The following LCE3D variants were observed in gnomAD, a reference collection of about 807,000 sequenced individuals.
LCE3D encodes late cornified envelope protein 3D.
For missense variants in LCE3D, 124 were observed against 121.1 expected (o/e 1.02, Z -0.11); for synonymous variants, 46 against 47.3 (o/e 0.97, Z 0.11).
rs750511142 is a variant in LCE3D at position 152,579,663 on chromosome 1, A to C, written c.274T>G (p.Cys92Gly). The change falls in exon 2 of 2, where the codon TGC becomes GGC. Residue 92 changes from cysteine to glycine, a missense_variant. Cys to Gly is a radical substitution (Grantham distance 159). Coordinates refer to ENST00000368787, the MANE Select transcript of LCE3D (RefSeq NM_032563.2). ...SGCGHGSGGC[C>G] is the part of the protein sequence containing the mutation. Reference sequence around the variant, plus strand: ...TCTCAGCATCAGGATCCAGGTCAGCAGCAGCCTCCAGAGCCATGGCCGCAG... The same window carrying C: ...TCTCAGCATCAGGATCCAGGTCAGCCGCAGCCTCCAGAGCCATGGCCGCAG... 5.6e-6 allele frequency: 9 copies of C among 1,613,668 alleles called. 1 individual carries two copies. In the Admixed American group the frequency reaches 1.5e-4, roughly 27 times the overall value.
chr1:152,579,721 G>A lies in LCE3D; in HGVS notation c.216C>T (p.Asp72=), dbSNP rs138761139. ...RCRRQRPNSC[D]RGSGQQGGGS... is the part of the protein sequence containing the mutation. ...CCCCGCCTTGCTGACCACTGCCCCT[G>A]TCACAGGAGTTGGGCCTCTGGCGCC... The change falls in exon 2 of 2, where the codon GAC becomes GAT. Residue 72 remains aspartate, a synonymous_variant. Coordinates refer to ENST00000368787, the MANE Select transcript of LCE3D (RefSeq NM_032563.2). 10,357 of 1,613,898 alleles carry A rather than the reference G, an allele frequency of 6.4e-3. 82 individuals are homozygous for A. Among genetic ancestry groups the A allele is most frequent in the Middle Eastern group, 0.019 (118 of 6,060 alleles).
chr1:152,579,652 T>C lies in LCE3D; in HGVS notation c.*6A>G. 1.2e-6 allele frequency: 2 copies of C among 1,613,674 alleles called. No individual in the cohort carries two copies. The highest frequency in any genetic ancestry group is 1.7e-6 in the Non-Finnish European group (2 of 1,179,978). ...AAAATCGCTTGTCTCAGCATCAGGATCCAGGTCAGCAGCAGCCTCCAGAGC... is the reference window on the plus strand; with the variant it reads ...AAAATCGCTTGTCTCAGCATCAGGACCCAGGTCAGCAGCAGCCTCCAGAGC... On this transcript the variant is annotated 3_prime_UTR_variant, in exon 2 of 2. Coordinates refer to ENST00000368787, the MANE Select transcript of LCE3D (RefSeq NM_032563.2).
rs1660187572 is a variant in LCE3D at position 152,579,961 on chromosome 1, G to A, written c.-21-4C>T. The A allele has an allele frequency of 1.2e-6, 2 of 1,613,706 alleles. No homozygotes were observed. The highest frequency in any genetic ancestry group is 1.7e-6 in the Non-Finnish European group (2 of 1,180,024). The stretch of plus-strand genomic sequence containing the variant: ...TCTTGGCAGGAGTTGAGTTGTCCTG[G>A]ACAAAACAAAGCCATTTGTTAGTCC... On this transcript the variant is annotated splice_polypyrimidine_tract_variant and splice_region_variant and intron_variant, in intron 1 of 1. Coordinates refer to ENST00000368787, the MANE Select transcript of LCE3D (RefSeq NM_032563.2).
At chr1:152,580,038 T>C in intron 1 of LCE3D, 81 bp from the exon 2 acceptor site, 3 of 1,548,786 alleles carry the variant, frequency 1.9e-6, no homozygotes, top group Non-Finnish European at 2.6e-6. Flanking sequence ...AGGCAAGAGC[T>C]GCAGGAAGGT....
chr1:152,580,345 T>G, intron 1 of LCE3D, 124 bp downstream of exon 1: 1 of 237,586 alleles, frequency 4.2e-6, no homozygotes. Flanking sequence ...CCCACATTGG[T>G]ACCCTCTCTG....
intron 1 of LCE3D, 52 bp downstream of exon 1, chr1:152,580,417 G>A: frequency 5.6e-6 from 1 of 179,574 alleles, no homozygotes; most frequent in South Asian, 1.2e-4. Context: ...TATGACCTTA[G>A]TTTTCTGTTC....
In LCE3D at chr1:152,579,662, CA is replaced by C; in HGVS notation, c.274del (p.Cys92AlafsTer29). The C allele has an allele frequency of 6.2e-7, 1 of 1,613,794 alleles. No individual in the cohort carries two copies. Among genetic ancestry groups the C allele is most frequent in the Non-Finnish European group, 8.5e-7 (1 of 1,179,988 alleles). On this transcript the variant is annotated frameshift_variant, in exon 2 of 2. Coordinates refer to ENST00000368787, the MANE Select transcript of LCE3D (RefSeq NM_032563.2). LOFTEE classifies it high-confidence loss of function. ...SGCGHGSGGC[C>X] is the part of the protein sequence containing the mutation. ...GTCTCAGCATCAGGATCCAGGTCAGCAGCAGCCTCCAGAGCCATGGCCGCAG... is the reference window on the plus strand; with the variant it reads ...GTCTCAGCATCAGGATCCAGGTCAGCGCAGCCTCCAGAGCCATGGCCGCAG...
intron 1 of LCE3D, 42 bp from the exon 2 acceptor site, chr1:152,579,999 C>G (rs1163807024): frequency 1.2e-6 from 2 of 1,611,862 alleles, no homozygotes; most frequent in Non-Finnish European, 1.7e-6. Context: ...AATCTACAGT[C>G]CAATGTCTCT....
chr1:152,579,732 T>C lies in LCE3D; in HGVS notation c.205A>G (p.Asn69Asp), dbSNP rs1197477826. Reference sequence around the variant, plus strand: ...TGACCACTGCCCCTGTCACAGGAGTTGGGCCTCTGGCGCCGGCATCGGTGG... The same window carrying C: ...TGACCACTGCCCCTGTCACAGGAGTCGGGCCTCTGGCGCCGGCATCGGTGG... ...RHHRCRRQRP[N>D]SCDRGSGQQG... is the part of the protein sequence containing the mutation. Residue 69 changes from asparagine (N) to aspartate (D), a missense_variant, in exon 2 of 2, where the codon AAC (asparagine) becomes GAC (aspartate). Physicochemically the swap from Asn to Asp is conservative, Grantham distance 23. Coordinates refer to ENST00000368787, the MANE Select transcript of LCE3D (RefSeq NM_032563.2). 1 of 1,613,840 alleles carries C rather than the reference T, an allele frequency of 6.2e-7. No homozygotes were observed. The highest frequency in any genetic ancestry group is 8.5e-7 in the Non-Finnish European group (1 of 1,180,020).
chr1:152,579,917 T>A lies in LCE3D; in HGVS notation c.20A>T (p.Gln7Leu). MSCQQN[Q>L]QQCQPPPKCP... is the part of the protein sequence containing the mutation. ...CTTGGGTGGGGGTTGGCACTGCTGC[T>A]GGTTCTGCTGGCAGGACATCTTGGC... Residue 7 changes from glutamine to leucine, a missense_variant, in exon 2 of 2, where the codon CAG becomes CTG. Gln to Leu is a moderately radical substitution (Grantham distance 113). Coordinates refer to ENST00000368787, the MANE Select transcript of LCE3D (RefSeq NM_032563.2). 6.2e-7 allele frequency: 1 copy of A among 1,613,916 alleles called. No homozygotes were observed. The highest frequency in any genetic ancestry group is 8.5e-7 in the Non-Finnish European group (1 of 1,180,040).
At chr1:152,579,979 G>T (rs1461641954) in intron 1 of LCE3D, 22 bp from the exon 2 acceptor site, 2 of 1,613,612 alleles carry the variant, frequency 1.2e-6, no homozygotes, top group South Asian at 1.1e-5. Context: ...AAAGCCATTT[G>T]TTAGTCCAAA....
rs748535205 is a variant in LCE3D at position 152,579,754 on chromosome 1, G to A, written c.183C>T (p.His61=). 7 of 1,613,812 alleles carry A rather than the reference G, an allele frequency of 4.3e-6. No individual in the cohort carries two copies. The South Asian group carries it at 5.5e-5, about 13-fold the overall frequency. ...AGTTGGGCCTCTGGCGCCGGCATCG[G>A]TGGTGGCGCCTGTGGTGGTTCAGGA... is the stretch of plus-strand genomic sequence containing the variant. The part of the protein sequence containing the change: ...GCFLNHHRRH[H]RCRRQRPNSC... The change falls in exon 2 of 2, where the codon CAC becomes CAT. Residue 61 remains histidine, a synonymous_variant. Transcript: ENST00000368787.
rs1386252024 is a variant in LCE3D at position 152,579,639 on chromosome 1, C to G, written c.*19G>C. The G allele has an allele frequency of 1.9e-6, 3 of 1,613,464 alleles. No individual in the cohort carries two copies. In the African/African-American group the frequency reaches 4.0e-5, roughly 22 times the overall value. The stretch of plus-strand genomic sequence containing the variant: ...TCTTGTTTCCTCCAAAATCGCTTGT[C>G]TCAGCATCAGGATCCAGGTCAGCAG... On this transcript the variant is annotated 3_prime_UTR_variant, in exon 2 of 2. Transcript: ENST00000368787.
chr1:152,579,969 A>T lies in LCE3D; in HGVS notation c.-21-12T>A, dbSNP rs1660187681. 2 of 1,613,844 alleles carry T rather than the reference A, an allele frequency of 1.2e-6. No individual in the cohort carries two copies. The highest frequency in any genetic ancestry group is 1.3e-5 in the African/African-American group (1 of 75,054). ...GGAGTTGAGTTGTCCTGGACAAAAC[A>T]AAGCCATTTGTTAGTCCAAAATCTA... On this transcript the variant is annotated splice_polypyrimidine_tract_variant and intron_variant, in intron 1 of 1. Transcript: ENST00000368787.
At position 152,579,638 on chromosome 1, in the gene LCE3D, T is replaced by C; in HGVS notation, c.*20A>G. On this transcript the variant is annotated 3_prime_UTR_variant, in exon 2 of 2. Coordinates refer to ENST00000368787, the MANE Select transcript of LCE3D (RefSeq NM_032563.2). ...TTCTTGTTTCCTCCAAAATCGCTTG[T>C]CTCAGCATCAGGATCCAGGTCAGCA... is the stretch of plus-strand genomic sequence containing the variant. 1 of 1,613,550 alleles carries C rather than the reference T, an allele frequency of 6.2e-7. No individual in the cohort carries two copies. The highest frequency in any genetic ancestry group is 8.5e-7 in the Non-Finnish European group (1 of 1,179,972).
chr1:152,580,123 G>A (rs766163549), intron 1 of LCE3D, among the ~76,000 whole-genome samples, 166 bp from the exon 2 acceptor site: 2 of 152,044 alleles, frequency 1.3e-5, no homozygotes, highest in African/African-American at 2.4e-5. Context: ...ACAGATTGCT[G>A]TGAGTCTAAG....
At chr1:152,580,152 T>C (rs896264226) in intron 1 of LCE3D, among the ~76,000 whole-genome samples, 195 bp from the exon 2 acceptor site, 27 of 152,050 alleles carry the variant, frequency 1.8e-4, no homozygotes, top group African/African-American at 6.3e-4. Flanking sequence ...CATGTTTCTG[T>C]TTCTCCAAAG....
Position 152,579,744 on chromosome 1 carries a change from G to T in LCE3D, c.193C>A (p.Arg65Ser). ...NHHRRHHRCR[R>S]QRPNSCDRGS... Reference sequence around the variant, plus strand: ...CTGTCACAGGAGTTGGGCCTCTGGCGCCGGCATCGGTGGTGGCGCCTGTGG... The same window carrying T: ...CTGTCACAGGAGTTGGGCCTCTGGCTCCGGCATCGGTGGTGGCGCCTGTGG... The change falls in exon 2 of 2, where the codon CGC becomes AGC. Residue 65 changes from arginine to serine, a missense_variant. Coordinates refer to ENST00000368787, the MANE Select transcript of LCE3D (RefSeq NM_032563.2). The T allele has an allele frequency of 6.2e-7, 1 of 1,613,820 alleles. No individual in the cohort carries two copies. The highest frequency in any genetic ancestry group is 2.2e-5 in the East Asian group (1 of 44,872).
In LCE3D at chr1:152,580,071, G is replaced by C. The variant is rs546137898; in HGVS notation, c.-21-114C>G. 54 of 1,307,138 alleles carry C rather than the reference G, an allele frequency of 4.1e-5. No homozygotes were observed. The African/African-American group carries it at 7.3e-4, about 18-fold the overall frequency. 81.0% of individuals were successfully genotyped at this position (1,307,138 alleles called of 1,614,324 possible). A position where few individuals can be genotyped will look rare whatever the true frequency, so the allele number is the denominator to read the frequency against. On this transcript the variant is annotated intron_variant, in intron 1 of 1. Coordinates refer to ENST00000368787, the MANE Select transcript of LCE3D (RefSeq NM_032563.2). ...GGTGAGGGAAGCTGATGTGGAGTTG[G>C]TGGGACATGCCAGATGCCTCTCACT...
Sources: allele counts gnomAD v4.1 joint callset (sites outside exome capture counted in the v4.1 genomes callset), GRCh38; gene constraint gnomAD v4.1.1; transcripts MANE v1.5; gene names NCBI Gene and HGNC (gene_info 2026-07-23, HGNC 2026-07-21).